DOCK10: variants seen among roughly 807,000 people sequenced by gnomAD.
The protein encoded by DOCK10 is dedicator of cytokinesis 10.
In DOCK10, 145 loss-of-function variants were observed where a neutral mutation model predicts 280.1. That is an observed-to-expected ratio of 0.52 (90% CI 0.45 to 0.59). The LOEUF (loss-of-function observed/expected upper bound fraction) is 0.59, where lower values mean the gene tolerates loss of function less well. Among genes scored for constraint, DOCK10 ranks in the 20% least tolerant of loss-of-function variants. The pLI, the probability that DOCK10 is intolerant of heterozygous loss-of-function variation, is 0.00. For synonymous variants in DOCK10, 915 were observed against 942.2 expected (o/e 0.97, Z 0.53); for missense variants, 2,368 against 2,651.7 (o/e 0.89, Z 2.35).
intron 1 of DOCK10, among the ~76,000 whole-genome samples, chr2:225,004,730 G>C (rs772332582): frequency 3.3e-5 from 5 of 152,220 alleles, no homozygotes; most frequent in Non-Finnish European, 7.3e-5. Context: ...CAGAACCAAG[G>C]ATGTGAAGAG....
intron 50 of DOCK10, among the ~76,000 whole-genome samples, chr2:224,783,099 G>A (rs1291332761): frequency 1.3e-5 from 2 of 152,110 alleles, no homozygotes; most frequent in East Asian, 3.9e-4. Flanking sequence ...ACAGGCATTT[G>A]AATCTCATCT....
chr2:224,886,317 C>A, intron 5 of DOCK10, 132 bp from the exon 6 acceptor site: 1 of 1,490,678 alleles, frequency 6.7e-7, no homozygotes, highest in Non-Finnish European at 9.1e-7. Context: ...TCAAAACAAA[C>A]GTGACTCATT....
At chr2:224,856,792 A>G (rs1034924936) in intron 15 of DOCK10, 68 bp downstream of exon 15, 6 of 1,418,796 alleles carry the variant, frequency 4.2e-6, no homozygotes, top group African/African-American at 2.9e-5. Flanking sequence ...ATCCTCAGGT[A>G]TTTATGAAGT....
chr2:224,900,558 C>T (rs953920421), intron 3 of DOCK10, among the ~76,000 whole-genome samples: 3 of 152,186 alleles, frequency 2.0e-5, no homozygotes, highest in African/African-American at 7.2e-5. Flanking sequence ...CACATTTGGA[C>T]CATCATTCTG....
intron 1 of DOCK10, among the ~76,000 whole-genome samples, chr2:225,016,595 G>A (rs1390146870): frequency 1.8e-4 from 16 of 86,708 alleles, no homozygotes; most frequent in African/African-American, 7.2e-4. Context: ...ATATATCTAT[G>A]TGCACATAGA....
intron 1 of DOCK10, among the ~76,000 whole-genome samples, chr2:224,988,971 C>T (rs1317997766): frequency 6.6e-6 from 1 of 152,172 alleles, no homozygotes; most frequent in South Asian, 2.1e-4. Flanking sequence ...CACCAAAATG[C>T]CCCCAGAAAA....
chr2:224,949,819 A>C lies in DOCK10; in HGVS notation c.124-18151T>G, dbSNP rs549868530. Among the ~76,000 whole-genome samples, 270 of 152,366 alleles carry C rather than the reference A, an allele frequency of 1.8e-3. 1 individual carries two copies. The highest frequency in any genetic ancestry group is 3.3e-3 in the Non-Finnish European group (223 of 68,034). ...ATAGGTTTGTGGTGAGGATAAATAA[A>C]ATGACATCTTAAAAATATCAACACA... On this transcript the variant is annotated intron_variant, in intron 1 of 55. Transcript: ENST00000258390.
intron 24 of DOCK10, among the ~76,000 whole-genome samples, chr2:224,839,704 T>C (rs1695830413): frequency 6.6e-6 from 1 of 152,194 alleles, no homozygotes; most frequent in Admixed American, 6.5e-5. Flanking sequence ...TGTTTTACAA[T>C]TGCACATGAA....
At chr2:224,840,385 A>C (rs544093074) in intron 23 of DOCK10, among the ~76,000 whole-genome samples, 38 of 152,354 alleles carry the variant, frequency 2.5e-4, no homozygotes, top group African/African-American at 8.9e-4. Context: ...AATATCCAAA[A>C]TATATAAGGA....
At chr2:224,850,826 C>T (rs966044782) in intron 18 of DOCK10, among the ~76,000 whole-genome samples, 1 of 152,098 alleles carries the variant, frequency 6.6e-6, no homozygotes, top group Non-Finnish European at 1.5e-5. Context: ...GTAAGACATG[C>T]CTCTTTCCCT....
intron 3 of DOCK10, among the ~76,000 whole-genome samples, chr2:224,903,172 T>C (rs1182882557): frequency 6.6e-6 from 1 of 152,174 alleles, no homozygotes; most frequent in Non-Finnish European, 1.5e-5. Context: ...GTACAAATAA[T>C]GAATTTGGGC....
chr2:224,947,252 C>T (rs936127752), intron 1 of DOCK10, among the ~76,000 whole-genome samples: 3 of 152,144 alleles, frequency 2.0e-5, no homozygotes, highest in African/African-American at 7.2e-5. Context: ...GCTAAATAAA[C>T]CATATGATGT....
intron 7 of DOCK10, among the ~76,000 whole-genome samples, chr2:224,879,486 A>C (rs1230873808): frequency 2.0e-5 from 3 of 152,186 alleles, no homozygotes; most frequent in Non-Finnish European, 2.9e-5. Flanking sequence ...GGCTGGGCGT[A>C]GTGTCTCACT....
At position 224,990,758 on chromosome 2, in the gene DOCK10, C is replaced by G. The variant is rs372423219; in HGVS notation, c.123+51494G>C. On this transcript the variant is annotated intron_variant, in intron 1 of 55. Transcript: ENST00000258390. ...TGACACAAGTTCTAAATCCCCTTCC[C>G]TGTTGTTTTTCATGAGTAAACAAAT... 1.5e-3 allele frequency among the ~76,000 whole-genome samples: 226 copies of G among 152,302 alleles called. 3 individuals carry two copies. The highest frequency in any genetic ancestry group is 6.8e-3 in the Middle Eastern group (2 of 294).
At chr2:224,909,258 G>T (rs1033430328) in intron 3 of DOCK10, among the ~76,000 whole-genome samples, 1 of 152,280 alleles carries the variant, frequency 6.6e-6, no homozygotes, top group African/African-American at 2.4e-5. Flanking sequence ...ACCCCTTGTG[G>T]GAGTGGTGCT....
intron 27 of DOCK10, among the ~76,000 whole-genome samples, chr2:224,828,169 G>A (rs944993590): frequency 2.0e-5 from 3 of 152,098 alleles, no homozygotes; most frequent in Non-Finnish European, 4.4e-5. Flanking sequence ...TAATAAAGCA[G>A]GAAAGAGAAT....
At chr2:224,921,112 A>AAAAAAAATATATAT in intron 2 of DOCK10, among the ~76,000 whole-genome samples, 2 of 54,414 alleles carry the variant, frequency 3.7e-5, no homozygotes, top group African/African-American at 3.1e-4. Flanking sequence ...AAAAAAAAAA[A>AAAAAAAATATATAT]ATATATATAT....
At position 225,018,621 on chromosome 2, in the gene DOCK10, T is replaced by TTATATATATAATATATATGTAATATTA. The variant is rs1553633085; in HGVS notation, c.123+23604_123+23630dup. 2.0e-3 allele frequency among the ~76,000 whole-genome samples: 78 copies of TTATATATATAATATATATGTAATATTA among 39,230 alleles called. 7 individuals are homozygous for TTATATATATAATATATATGTAATATTA. The highest frequency in any genetic ancestry group is 6.1e-3 in the South Asian group (6 of 982). 25.7% of individuals were successfully genotyped at this position (39,230 alleles called of 152,430 possible). On this transcript the variant is annotated intron_variant, in intron 1 of 55. Transcript: ENST00000258390. ...ATATATATATAATATATATGTAATA[T>TTATATATATAATATATATGTAATATTA]TATATATATAATATATATGTAATAT...
intron 6 of DOCK10, 84 bp from the exon 7 acceptor site, chr2:224,885,889 A>G (rs550782667): frequency 1.3e-6 from 2 of 1,531,848 alleles, no homozygotes; most frequent in South Asian, 2.5e-5. Flanking sequence ...TAATTCCTTC[A>G]GGAGTGCTAT....
Sources: gnomAD v4.1 joint callset for allele counts (sites outside exome capture counted in the v4.1 genomes callset) on GRCh38, gnomAD v4.1.1 for gene constraint, MANE v1.5 for transcripts, NCBI Gene and HGNC (gene_info 2026-07-23, HGNC 2026-07-21) for gene names.